NSUN7: variants seen among roughly 807,000 people sequenced by gnomAD.
The protein encoded by NSUN7 is NOP2/Sun RNA methyltransferase family member 7, also known as protein NSUN7.
Under a neutral mutation model 58.5 loss-of-function variants are expected in NSUN7, and 39 were observed. That is an observed-to-expected ratio of 0.67 (90% CI 0.52 to 0.87). The LOEUF is 0.87. NSUN7 is among the 40% of genes least tolerant of loss of function. NSUN7 has a pLI of 0.00. For synonymous variants in NSUN7, 278 were observed against 303.7 expected, an observed-to-expected ratio of 0.92 and a Z score of 0.88; for missense variants, 765 against 844.1, an observed-to-expected ratio of 0.91 and a Z score of 1.16.
chr4:40,770,327 C>T (rs777997678), intron 4 of NSUN7, among the ~76,000 whole-genome samples: 3 of 151,862 alleles, frequency 2.0e-5, no homozygotes, highest in East Asian at 1.9e-4. Context: ...AACATACTTA[C>T]ACAAATCTAG....
In NSUN7 at chr4:40,807,587, C is replaced by G. The variant is rs541049549; in HGVS notation, c.1524+403C>G. ...CTGGTCTTGAACTCGACTTCATGATCCACTTGCCTCGGCCTCACAAAGTGC... is the reference window on the plus strand; with the variant it reads ...CTGGTCTTGAACTCGACTTCATGATGCACTTGCCTCGGCCTCACAAAGTGC... On this transcript the variant is annotated intron_variant, in intron 11 of 11. Coordinates refer to ENST00000381782, the MANE Select transcript of NSUN7 (RefSeq NM_024677.6). 8.5e-5 allele frequency among the ~76,000 whole-genome samples: 13 copies of G among 152,052 alleles called. No individual in the cohort carries two copies. In the East Asian group the frequency reaches 2.3e-3, roughly 27 times the overall value.
At chr4:40,799,979 A>G (rs1577584631) in intron 10 of NSUN7, among the ~76,000 whole-genome samples, 1 of 152,190 alleles carries the variant, frequency 6.6e-6, no homozygotes, top group East Asian at 1.9e-4. Flanking sequence ...CTTTTTCCAA[A>G]TGGCATCCTC....
intron 2 of NSUN7, among the ~76,000 whole-genome samples, chr4:40,753,949 A>G (rs1176971531): frequency 6.6e-6 from 1 of 152,152 alleles, no homozygotes; most frequent in Non-Finnish European, 1.5e-5. Flanking sequence ...CTCCCCAGCC[A>G]TATGGAACTG....
chr4:40,796,717 C>T (rs926441902), intron 9 of NSUN7, among the ~76,000 whole-genome samples: 6 of 152,146 alleles, frequency 3.9e-5, no homozygotes, highest in African/African-American at 1.2e-4. Flanking sequence ...CAAGAGGCCC[C>T]GACTCCAGGT....
intron 2 of NSUN7, among the ~76,000 whole-genome samples, chr4:40,756,933 AAAAC>A (rs1200277485): frequency 7.9e-5 from 12 of 152,230 alleles, no homozygotes; most frequent in African/African-American, 2.6e-4. Flanking sequence ...AAGTTACATA[AAAAC>A]AAACAAAAAA....
chr4:40,763,799 A>G (rs948907923), intron 4 of NSUN7, among the ~76,000 whole-genome samples: 4 of 152,182 alleles, frequency 2.6e-5, no homozygotes, highest in Non-Finnish European at 5.9e-5. Context: ...CATTGTTGTC[A>G]GTGCAGTTGT....
At chr4:40,752,686 C>T (rs1190457049) in intron 2 of NSUN7, among the ~76,000 whole-genome samples, 3 of 152,054 alleles carry the variant, frequency 2.0e-5, no homozygotes, top group Non-Finnish European at 4.4e-5. Context: ...TCCCAAAGTG[C>T]TGGGATTACA....
In NSUN7 at chr4:40,760,004, C is replaced by T. The variant is rs1015780611; in HGVS notation, c.299-430C>T. Among the ~76,000 whole-genome samples, 16 of 152,140 alleles carry T rather than the reference C, an allele frequency of 1.1e-4. 1 individual carries two copies. The highest frequency in any genetic ancestry group is 3.6e-4 in the African/African-American group (15 of 41,424). ...AGTGAGCTGAGATCGCACCATTGTA[C>T]TCCAGCCTAGATGACAGAGCAAGAC... On this transcript the variant is annotated intron_variant, in intron 2 of 11. Transcript: ENST00000381782.
In NSUN7 at chr4:40,804,111, A is replaced by G. The variant is rs564521806; in HGVS notation, c.1401-2950A>G. On this transcript the variant is annotated intron_variant, in intron 10 of 11. Coordinates refer to ENST00000381782, the MANE Select transcript of NSUN7 (RefSeq NM_024677.6). ...ATTCTATCCGTTGATTTATATGTCT[A>G]TACTTAAGCCAACAGCACAATAAGA... 3.3e-4 allele frequency among the ~76,000 whole-genome samples: 51 copies of G among 152,340 alleles called. 1 individual carries two copies. The highest frequency in any genetic ancestry group is 1.0e-3 in the African/African-American group (43 of 41,584).
At chr4:40,768,291 T>C (rs1470322916) in intron 4 of NSUN7, among the ~76,000 whole-genome samples, 1 of 149,382 alleles carries the variant, frequency 6.7e-6, no homozygotes, top group African/African-American at 2.5e-5. Flanking sequence ...AACCTCCACC[T>C]CCTGAGCTCA....
chr4:40,807,072 C>A lies in NSUN7; in HGVS notation c.1412C>A (p.Pro471His). Residue 471 changes from proline (P) to histidine (H), a missense_variant, in exon 11 of 12, where the codon CCT becomes CAT. By Grantham distance (77) the Pro-to-His change is moderately conservative (BLOSUM62 -2). Transcript: ENST00000381782. ...NKGQPYRLSP[P>H]VLPLCSLKEI... The stretch of plus-strand genomic sequence containing the variant: ...CCTGTCTGCTGCAGGCTTAGTCCTC[C>A]TGTTCTTCCACTGTGCTCCTTAAAG... 1 of 1,551,632 alleles carries A rather than the reference C, an allele frequency of 6.4e-7. No individual in the cohort carries two copies. Among genetic ancestry groups the A allele is most frequent in the South Asian group, 1.2e-5 (1 of 83,946 alleles).
At chr4:40,793,093 T>C (rs1743166750) in intron 8 of NSUN7, among the ~76,000 whole-genome samples, 2 of 152,168 alleles carry the variant, frequency 1.3e-5, no homozygotes, top group Admixed American at 1.3e-4. Flanking sequence ...TGGAGTATAA[T>C]AATTTGTAAT....
intron 10 of NSUN7, among the ~76,000 whole-genome samples, chr4:40,802,920 G>A (rs868035437): frequency 7.0e-6 from 1 of 142,010 alleles, no homozygotes; most frequent in Non-Finnish European, 1.5e-5. Context: ...GGTATATCTC[G>A]TGCTAACCCT....
intron 10 of NSUN7, among the ~76,000 whole-genome samples, chr4:40,801,304 G>A (rs1009538022): frequency 6.6e-6 from 1 of 152,170 alleles, no homozygotes; most frequent in Non-Finnish European, 1.5e-5. Context: ...AAAGGTGGCT[G>A]TGAAATACAG....
chr4:40,793,605 G>C (rs1743194773), intron 8 of NSUN7, among the ~76,000 whole-genome samples: 1 of 152,238 alleles, frequency 6.6e-6, no homozygotes, highest in South Asian at 2.1e-4. Flanking sequence ...TCATGCTCTA[G>C]TGAGTTCTAG....
In NSUN7 at chr4:40,750,915, C is replaced by G; in HGVS notation, c.222C>G (p.Pro74=). 1 of 1,614,204 alleles carries G rather than the reference C, an allele frequency of 6.2e-7. No individual in the cohort carries two copies. Among genetic ancestry groups the G allele is most frequent in the South Asian group, 1.1e-5 (1 of 91,082 alleles). Residue 74 remains proline, a synonymous_variant, in exon 2 of 12, where the codon CCC becomes CCG. Coordinates refer to ENST00000381782, the MANE Select transcript of NSUN7 (RefSeq NM_024677.6). ...QKVLIKYGNE[P]LRSLSESEDQ... The stretch of plus-strand genomic sequence containing the variant: ...TCTTAATCAAGTATGGGAATGAACC[C>G]CTGCGGTCCTTGTCCGAGTCTGAGG...
Position 40,750,637 on chromosome 4 carries a change from TG to T in NSUN7, c.-55del. The T allele has an allele frequency of 6.3e-7, 1 of 1,580,218 alleles. No individual in the cohort carries two copies. The highest frequency in any genetic ancestry group is 8.6e-7 in the Non-Finnish European group (1 of 1,160,834). On this transcript the variant is annotated 5_prime_UTR_variant, in exon 2 of 12. The change abolishes the stop of an existing upstream ORF in the 5' untranslated region. Transcript: ENST00000381782. ...TGCAGATGCGAGGAAAGCCGTTTCC[TG>T]GAACATCGGAATTCTAACCCCAGGG...
At chr4:40,757,970 G>C (rs1342056286) in intron 2 of NSUN7, among the ~76,000 whole-genome samples, 1 of 152,006 alleles carries the variant, frequency 6.6e-6, no homozygotes, top group African/African-American at 2.4e-5. Context: ...GCCCAAGCCA[G>C]AGTGCAATGT....
rs1308261897 is a variant in NSUN7 at position 40,786,719 on chromosome 4, A to G, written c.1037-3883A>G. 1.0e-5 allele frequency: 16 copies of G among 1,559,184 alleles called. No individual in the cohort carries two copies. In the Admixed American group the frequency reaches 2.9e-4, roughly 29 times the overall value. ...CAACAGAAAAAGAAAGATGAATATC[A>G]ATACCTATTATATCTGTGTGGAGTA... On this transcript the variant is annotated intron_variant, in intron 7 of 11. Transcript: ENST00000381782.
Sources: allele counts gnomAD v4.1 joint callset (sites outside exome capture counted in the v4.1 genomes callset), GRCh38; gene constraint gnomAD v4.1.1; transcripts MANE v1.5; gene names NCBI Gene and HGNC (gene_info 2026-07-23, HGNC 2026-07-21).